The following NELL1 variants were observed in gnomAD, a reference collection of about 807,000 sequenced individuals.
NELL1 encodes the protein protein kinase C-binding protein NELL1.
In NELL1, 76 loss-of-function variants were observed where a neutral mutation model predicts 107.4. The observed-to-expected ratio is 0.71, with a 90% CI of 0.59 to 0.86. The LOEUF (loss-of-function observed/expected upper bound fraction) is 0.86, where lower values mean the gene tolerates loss of function less well. Among genes scored for constraint, NELL1 ranks in the 40% least tolerant of loss-of-function variants. The pLI is 0.00. For missense variants in NELL1, 1,024 were observed against 1,005.5 expected (o/e 1.02, Z -0.25); for synonymous variants, 353 against 341.2 (o/e 1.03, Z -0.38).
At chr11:20,801,276 T>C (rs898924529) in intron 3 of NELL1, among the ~76,000 whole-genome samples, 2 of 152,222 alleles carry the variant, frequency 1.3e-5, no homozygotes, top group Non-Finnish European at 2.9e-5. Flanking sequence ...ACTTCTGTCA[T>C]GTAAGATGCT....
At chr11:21,518,687 T>A (rs1855636322) in intron 15 of NELL1, among the ~76,000 whole-genome samples, 2 of 152,192 alleles carry the variant, frequency 1.3e-5, no homozygotes, top group African/African-American at 4.8e-5. Context: ...GCTTGTAGTT[T>A]GGTGGGAGTG....
chr11:21,011,960 G>C (rs1218858270), intron 12 of NELL1, among the ~76,000 whole-genome samples: 1 of 152,172 alleles, frequency 6.6e-6, no homozygotes, highest in Non-Finnish European at 1.5e-5. Context: ...ACCGTAATGT[G>C]AAGTGTAGAA....
At chr11:20,917,293 T>C (rs1342896491) in intron 5 of NELL1, among the ~76,000 whole-genome samples, 1 of 151,984 alleles carries the variant, frequency 6.6e-6, no homozygotes, top group Admixed American at 6.6e-5. Context: ...GATCCTGTTA[T>C]TTCTATTAAT....
At chr11:21,200,293 C>T (rs1033536733) in intron 13 of NELL1, among the ~76,000 whole-genome samples, 4 of 152,176 alleles carry the variant, frequency 2.6e-5, no homozygotes, top group Non-Finnish European at 4.4e-5. Flanking sequence ...TTCTCCACAT[C>T]CTCTCCAGCA....
chr11:21,100,482 C>G (rs749028534), intron 12 of NELL1, among the ~76,000 whole-genome samples: 4 of 152,214 alleles, frequency 2.6e-5, no homozygotes, highest in Non-Finnish European at 5.9e-5. Context: ...CTCTTGAAAT[C>G]TCCCAGCTCC....
chr11:21,457,822 A>G (rs962301897), intron 15 of NELL1, among the ~76,000 whole-genome samples: 1 of 152,186 alleles, frequency 6.6e-6, no homozygotes, highest in Non-Finnish European at 1.5e-5. Flanking sequence ...AAGAAGACTG[A>G]GAAAAACAAA....
intron 16 of NELL1, among the ~76,000 whole-genome samples, chr11:21,550,658 AG>A (rs1393426543): frequency 6.6e-6 from 1 of 151,762 alleles, no homozygotes; most frequent in Non-Finnish European, 1.5e-5. Context: ...TGTAGATATG[AG>A]GCATTATTTC....
intron 17 of NELL1, 39 bp from the exon 18 acceptor site, chr11:21,570,725 C>G (rs1368913324): frequency 6.3e-7 from 1 of 1,587,898 alleles, no homozygotes; most frequent in South Asian, 1.1e-5. Context: ...TCCATCATGT[C>G]CTAAATGATG....
intron 12 of NELL1, among the ~76,000 whole-genome samples, chr11:21,081,606 G>T (rs537245464): frequency 6.6e-6 from 1 of 152,178 alleles, no homozygotes; most frequent in Admixed American, 6.6e-5. Flanking sequence ...AACACTGGAA[G>T]CATGAGAGTC....
intron 5 of NELL1, among the ~76,000 whole-genome samples, chr11:20,915,718 T>TATATATATATATATATATATATA (rs375263928): frequency 2.1e-3 from 101 of 49,148 alleles, no homozygotes; most frequent in African/African-American, 2.5e-3. Flanking sequence ...TATATATATA[T>TATATATATATATATATATATATA]TTTTTTTTTT....
At chr11:20,798,255 A>G (rs1307476834) in intron 3 of NELL1, among the ~76,000 whole-genome samples, 1 of 152,232 alleles carries the variant, frequency 6.6e-6, no homozygotes, top group African/African-American at 2.4e-5. Context: ...CTTCGTCAGA[A>G]GAAATGAAGC....
chr11:21,143,613 A>G lies in NELL1; in HGVS notation c.1426+29899A>G, dbSNP rs77794093. Among the ~76,000 whole-genome samples, 1,456 of 152,290 alleles carry G rather than the reference A, an allele frequency of 9.6e-3. 65 individuals carry two copies. In the East Asian group the frequency reaches 0.11, roughly 12 times the overall value. On this transcript the variant is annotated intron_variant, in intron 13 of 19. Transcript: ENST00000357134. ...TAAATATATCACTTCATTAAACAGT[A>G]GAACTATCCATTGGCTGAATGAATT...
chr11:21,570,980 T>C (rs1191197095), intron 18 of NELL1, 40 bp downstream of exon 18: 2 of 1,572,126 alleles, frequency 1.3e-6, no homozygotes, highest in East Asian at 2.3e-5. Context: ...GCCTTTACTC[T>C]GAAAGAGGTT....
intron 3 of NELL1, among the ~76,000 whole-genome samples, chr11:20,834,731 A>G (rs762824630): frequency 1.3e-5 from 2 of 151,874 alleles, no homozygotes; most frequent in Non-Finnish European, 2.9e-5. Flanking sequence ...AACAAAAAAA[A>G]CCCACCCTAA....
intron 14 of NELL1, among the ~76,000 whole-genome samples, chr11:21,354,467 C>A (rs1850885720): frequency 6.6e-6 from 1 of 152,130 alleles, no homozygotes; most frequent in African/African-American, 2.4e-5. Flanking sequence ...CTGCTGAATC[C>A]TGGGTGTGAC....
intron 4 of NELL1, among the ~76,000 whole-genome samples, chr11:20,884,428 C>CA (rs769161872): frequency 6.6e-6 from 1 of 152,180 alleles, no homozygotes; most frequent in East Asian, 1.9e-4. Context: ...CTCAGGAAAG[C>CA]AAGAAATGGA....
chr11:20,810,110 CT>C (rs891894721), intron 3 of NELL1, among the ~76,000 whole-genome samples: 33 of 148,406 alleles, frequency 2.2e-4, no homozygotes, highest in African/African-American at 5.7e-4. Flanking sequence ...ATGTCAAGCT[CT>C]TTTTTTTTTC....
At chr11:21,438,787 C>G (rs1028890248) in intron 15 of NELL1, among the ~76,000 whole-genome samples, 1 of 151,612 alleles carries the variant, frequency 6.6e-6, no homozygotes, top group African/African-American at 2.4e-5. Context: ...TTTTACAGTT[C>G]TGGGATTTCT....
At chr11:20,700,333 G>C (rs144224184) in intron 2 of NELL1, among the ~76,000 whole-genome samples, 5,325 of 151,892 alleles carry the variant, frequency 0.035, 319 homozygotes, top group African/African-American at 0.12. Flanking sequence ...ACAAAAATTA[G>C]CCAGGCATGG....
Sources: gnomAD v4.1 joint callset for allele counts (sites outside exome capture counted in the v4.1 genomes callset) on GRCh38, gnomAD v4.1.1 for gene constraint, MANE v1.5 for transcripts, NCBI Gene and HGNC (gene_info 2026-07-23, HGNC 2026-07-21) for gene names.